RBL1: variants seen among roughly 807,000 people sequenced by gnomAD.
RBL1 encodes the protein retinoblastoma-like protein 1.
In RBL1, 82 loss-of-function variants were observed where a neutral mutation model predicts 123.0. The ratio of observed to expected loss-of-function variants is 0.67; its 90% CI spans 0.56 to 0.80. The LOEUF (loss-of-function observed/expected upper bound fraction) is 0.80. Among genes scored for constraint, RBL1 ranks in the 30% least tolerant of loss-of-function variants. The pLI, the probability that RBL1 is intolerant of heterozygous loss-of-function variation, is 0.00. For missense variants in RBL1, 1,171 were observed against 1,299.6 expected, an observed-to-expected ratio of 0.90 and a Z score of 1.52; for synonymous variants, 405 against 441.3, an observed-to-expected ratio of 0.92 and a Z score of 1.03.
chr20:37,088,964 A>G (rs751998121), intron 2 of RBL1, 25 bp downstream of exon 2: 6 of 1,490,542 alleles, frequency 4.0e-6, no homozygotes, highest in Non-Finnish European at 9.0e-7. Context: ...CTTATATAAC[A>G]TTTAAAAACA....
chr20:37,014,254 T>G (rs1273980810), intron 19 of RBL1, among the ~76,000 whole-genome samples: 1 of 152,006 alleles, frequency 6.6e-6, no homozygotes, highest in Non-Finnish European at 1.5e-5. Flanking sequence ...TTTTAAAAAA[T>G]TTTTTGTAGC....
intron 7 of RBL1, among the ~76,000 whole-genome samples, chr20:37,062,474 A>AT (rs1159442346): frequency 3.3e-5 from 5 of 152,116 alleles, no homozygotes; most frequent in Non-Finnish European, 7.3e-5. Context: ...ATTACTTTCA[A>AT]AAGTGAGAGA....
At chr20:37,081,452 G>T (rs1320466048) in intron 2 of RBL1, among the ~76,000 whole-genome samples, 5 of 152,146 alleles carry the variant, frequency 3.3e-5, no homozygotes, top group Middle Eastern at 3.4e-3. Flanking sequence ...ACCAACCTGG[G>T]CAACAAAGCC....
chr20:37,018,271 T>C lies in RBL1; in HGVS notation c.2722+8A>G, dbSNP rs201728310. Reference sequence around the variant, plus strand: ...TTTACATATAATATGTTAAATTGGATAACTTACCACAATCTATCATTTCAA... The same window carrying C: ...TTTACATATAATATGTTAAATTGGACAACTTACCACAATCTATCATTTCAA... On this transcript the variant is annotated splice_region_variant and intron_variant, in intron 19 of 21. Coordinates refer to ENST00000373664, the MANE Select transcript of RBL1 (RefSeq NM_002895.5). 2.5e-6 allele frequency: 4 copies of C among 1,603,864 alleles called. No homozygotes were observed. The highest frequency in any genetic ancestry group is 2.7e-5 in the African/African-American group (2 of 74,552).
At chr20:37,043,035 G>A (rs1197686068) in intron 13 of RBL1, among the ~76,000 whole-genome samples, 1 of 152,076 alleles carries the variant, frequency 6.6e-6, no homozygotes, top group Admixed American at 6.6e-5. Flanking sequence ...TGAGCCAGAT[G>A]TGGTGGCTCA....
intron 7 of RBL1, among the ~76,000 whole-genome samples, chr20:37,065,001 G>A (rs900819916): frequency 1.7e-4 from 25 of 149,478 alleles, no homozygotes; most frequent in Non-Finnish European, 2.8e-4. Flanking sequence ...GTGCAATCAC[G>A]GCTCACTGCA....
chr20:37,021,769 T>C (rs2064345336), intron 17 of RBL1: 1 of 193,062 alleles, frequency 5.2e-6, no homozygotes, highest in South Asian at 1.1e-4. Flanking sequence ...AACTGCAACT[T>C]CATCATTCTG....
chr20:37,081,945 A>C (rs1046651838), intron 2 of RBL1: 1 of 455,518 alleles, frequency 2.2e-6, no homozygotes, highest in Admixed American at 2.4e-5. Flanking sequence ...TCCAATTATA[A>C]TATCAGTAAA....
intron 2 of RBL1, among the ~76,000 whole-genome samples, chr20:37,069,448 G>A (rs1212156345): frequency 6.6e-6 from 1 of 151,672 alleles, no homozygotes; most frequent in Non-Finnish European, 1.5e-5. Context: ...TCTCTGCCCA[G>A]CCGCCCATCG....
At position 36,996,659 on chromosome 20, in the gene RBL1, G is replaced by A. The variant is rs1288492269; in HGVS notation, c.*2100C>T. 1 of 152,160 alleles carries A rather than the reference G, an allele frequency of 6.6e-6. No homozygotes were observed. The highest frequency in any genetic ancestry group is 1.5e-5 in the Non-Finnish European group (1 of 68,080). 9.4% of individuals were successfully genotyped at this position (152,160 alleles called of 1,614,324 possible). On this transcript the variant is annotated 3_prime_UTR_variant, in exon 22 of 22. Coordinates refer to ENST00000373664, the MANE Select transcript of RBL1 (RefSeq NM_002895.5). The stretch of plus-strand genomic sequence containing the variant: ...GGGCTATGTTGCCCAGGTTAGTCTT[G>A]AACTCCTGGACTGAAGCAATCCTCC...
At position 37,018,364 on chromosome 20, in the gene RBL1, A is replaced by G. The variant is rs1182063162; in HGVS notation, c.2637T>C (p.Tyr879=). Residue 879 remains tyrosine (Y), a synonymous_variant, in exon 19 of 22, where the codon TAT becomes TAC. Transcript: ENST00000373664. ...RNQPQANSHV[Y]RSVLLKSIPR... ...GAATACTTTTCAGCAGAACACTTCT[A>G]TATACCTACATGCCAGAGGGGAAGA... The G allele has an allele frequency of 6.2e-7, 1 of 1,607,956 alleles. No individual in the cohort carries two copies.
intron 11 of RBL1, among the ~76,000 whole-genome samples, chr20:37,052,235 G>A (rs2064927475): frequency 6.6e-6 from 1 of 151,968 alleles, no homozygotes; most frequent in Admixed American, 6.6e-5. Flanking sequence ...GTTTCACTAT[G>A]TTGGCCAGGC....
At chr20:37,031,733 T>C (rs2064515221) in intron 16 of RBL1, among the ~76,000 whole-genome samples, 1 of 152,120 alleles carries the variant, frequency 6.6e-6, no homozygotes, top group South Asian at 2.1e-4. Context: ...GAATAGATAT[T>C]TGTTGCTATT....
intron 2 of RBL1, among the ~76,000 whole-genome samples, chr20:37,084,319 G>A (rs775718027): frequency 2.0e-5 from 3 of 151,826 alleles, no homozygotes; most frequent in Admixed American, 1.3e-4. Flanking sequence ...GGATACAATC[G>A]AAATGGCCAT....
intron 1 of RBL1, among the ~76,000 whole-genome samples, chr20:37,093,585 G>A (rs1273895422): frequency 1.3e-5 from 2 of 151,912 alleles, no homozygotes; most frequent in Non-Finnish European, 2.9e-5. Flanking sequence ...TTTACAGTGA[G>A]CTATAATTGC....
At chr20:37,040,524 T>C (rs533208630) in intron 13 of RBL1, among the ~76,000 whole-genome samples, 5 of 152,184 alleles carry the variant, frequency 3.3e-5, no homozygotes, top group South Asian at 4.2e-4. Flanking sequence ...GGCTAATTTT[T>C]GTATTTTTAG....
chr20:37,040,941 T>A (rs2064712807), intron 13 of RBL1, among the ~76,000 whole-genome samples: 1 of 152,198 alleles, frequency 6.6e-6, no homozygotes, highest in Non-Finnish European at 1.5e-5. Context: ...TCAATACTAA[T>A]CCTTCTTCAA....
At chr20:37,000,367 T>G (rs1157163183) in intron 21 of RBL1, among the ~76,000 whole-genome samples, 5 of 118,842 alleles carry the variant, frequency 4.2e-5, no homozygotes, top group South Asian at 6.1e-4. Flanking sequence ...AGAAGGGAGG[T>G]GGGGGGGTTA....
chr20:37,024,631 T>C lies in RBL1; in HGVS notation c.2383-1805A>G, dbSNP rs548643240. Among the ~76,000 whole-genome samples, 3 of 152,296 alleles carry C rather than the reference T, an allele frequency of 2.0e-5. 1 individual carries two copies. Among genetic ancestry groups the C allele is most frequent in the South Asian group, 2.1e-4 (1 of 4,822 alleles). Reference sequence around the variant, plus strand: ...TATAGATTCAGACATTTCAGTTCCTTTTATATTTTCTAGCTTCTAATCTAT... The same window carrying C: ...TATAGATTCAGACATTTCAGTTCCTCTTATATTTTCTAGCTTCTAATCTAT... On this transcript the variant is annotated intron_variant, in intron 16 of 21. Transcript: ENST00000373664.
Sources: gnomAD v4.1 joint callset for allele counts (sites outside exome capture counted in the v4.1 genomes callset) on GRCh38, gnomAD v4.1.1 for gene constraint, MANE v1.5 for transcripts, NCBI Gene and HGNC (gene_info 2026-07-23, HGNC 2026-07-21) for gene names.